PCF11: variants seen among roughly 807,000 people sequenced by gnomAD.
PCF11 encodes the protein pre-mRNA cleavage complex 2 protein Pcf11.
A neutral mutation model predicts 166.1 loss-of-function variants in PCF11; 19 were observed. That is an observed-to-expected ratio of 0.11 (90% CI 0.08 to 0.17). The LOEUF (loss-of-function observed/expected upper bound fraction) is 0.17, where lower values mean the gene tolerates loss of function less well. Ranked by LOEUF, PCF11 falls within the 10% of genes least tolerant of loss-of-function variation. The pLI is 1.00. For synonymous variants in PCF11, 663 were observed against 644.1 expected, an observed-to-expected ratio of 1.03 and a Z score of -0.44; for missense variants, 1,565 against 1,855.5, an observed-to-expected ratio of 0.84 and a Z score of 2.88.
chr11:83,179,161 C>T (rs758323428), intron 11 of PCF11, among the ~76,000 whole-genome samples: 2 of 151,518 alleles, frequency 1.3e-5, no homozygotes, highest in Non-Finnish European at 2.9e-5. Flanking sequence ...TAAAAGATGG[C>T]ATCCCTTTCT....
intron 10 of PCF11, 90 bp downstream of exon 10, chr11:83,177,294 G>T: frequency 4.1e-6 from 4 of 985,620 alleles, no homozygotes; most frequent in South Asian, 5.3e-5. Flanking sequence ...TTATGATAAA[G>T]GTCCTTACAA....
exon 12 of PCF11, chr11:83,181,024 A>G (rs1308868997): frequency 1.3e-6 from 2 of 1,562,290 alleles, no homozygotes; most frequent in Non-Finnish European, 1.7e-6. Context: ...TGACAGTGTT[A>G]TAAATCGACT....
At chr11:83,159,069 A>G (rs1441807173) in intron 1 of PCF11, among the ~76,000 whole-genome samples, 1 of 152,206 alleles carries the variant, frequency 6.6e-6, no homozygotes, top group East Asian at 1.9e-4. Context: ...TTCATAATTT[A>G]AAGAGGACGA....
At chr11:83,160,932 C>T (rs192425181) in intron 1 of PCF11, among the ~76,000 whole-genome samples, 1 of 152,298 alleles carries the variant, frequency 6.6e-6, no homozygotes, top group Non-Finnish European at 1.5e-5. Context: ...GGTCTAAAAA[C>T]TGCTTTGAGT....
intron 1 of PCF11, 78 bp from the exon 2 acceptor site, chr11:83,161,249 T>C (rs1860241611): frequency 3.4e-6 from 4 of 1,163,996 alleles, no homozygotes; most frequent in Admixed American, 5.1e-5. Context: ...GTCTGTATTG[T>C]AGGTTTAAAA....
intron 12 of PCF11, 33 bp downstream of exon 12, chr11:83,181,224 T>C (rs1861072864): frequency 2.8e-6 from 3 of 1,073,004 alleles, no homozygotes; most frequent in Non-Finnish European, 4.0e-6. Flanking sequence ...TAGTATCTTT[T>C]AGGCTTAAAT....
chr11:83,170,501 C>CT (rs1174144958), intron 8 of PCF11, among the ~76,000 whole-genome samples: 1 of 151,890 alleles, frequency 6.6e-6, no homozygotes, highest in Non-Finnish European at 1.5e-5. Context: ...TTTCCAGTCA[C>CT]TTCAGTTAAA....
At chr11:83,161,101 G>A (rs1374553806) in intron 1 of PCF11, among the ~76,000 whole-genome samples, 1 of 152,060 alleles carries the variant, frequency 6.6e-6, no homozygotes, top group Non-Finnish European at 1.5e-5. Context: ...AGTATATTAG[G>A]GATTACAGCT....
chr11:83,178,521 C>T (rs962476302), intron 11 of PCF11, among the ~76,000 whole-genome samples: 2 of 151,846 alleles, frequency 1.3e-5, no homozygotes, highest in East Asian at 1.9e-4. Flanking sequence ...ATCGGCTGGG[C>T]GCGGTGGCTC....
chr11:83,170,829 G>C (rs899276780), intron 8 of PCF11, among the ~76,000 whole-genome samples: 15 of 152,140 alleles, frequency 9.9e-5, no homozygotes, highest in African/African-American at 3.4e-4. Context: ...AAATAAGAAA[G>C]ATTTTAAAAG....
chr11:83,165,951 A>G, exon 5 of PCF11: 1 of 1,607,674 alleles, frequency 6.2e-7, no homozygotes, highest in Non-Finnish European at 8.5e-7. Flanking sequence ...AGGTGAAAAA[A>G]TAACCAAGAA....
exon 16 of PCF11, chr11:83,184,723 T>G: frequency 1.9e-6 from 3 of 1,612,156 alleles, no homozygotes; most frequent in Non-Finnish European, 2.5e-6. Context: ...AGACACCAGT[T>G]GAAAACCCCT....
intron 2 of PCF11, 69 bp downstream of exon 2, chr11:83,161,521 C>A: frequency 8.1e-7 from 1 of 1,238,112 alleles, no homozygotes; most frequent in Non-Finnish European, 1.1e-6. Flanking sequence ...TAAATATTTG[C>A]TTTGTGTTGG....
chr11:83,166,434 A>G lies in PCF11; in HGVS notation c.1537A>G (p.Thr513Ala), dbSNP rs753388547. 7 of 1,613,886 alleles carry G rather than the reference A, an allele frequency of 4.3e-6. No homozygotes were observed. In the African/African-American group the frequency reaches 6.7e-5, roughly 15 times the overall value. The change falls in exon 5 of 16, where the codon ACA becomes GCA. Residue 513 changes from threonine (T) to alanine (A), a missense_variant. Physicochemically the swap from Thr to Ala is moderately conservative, Grantham distance 58 (BLOSUM62 0). This residue lies in a region of PCF11 where 468 missense variants were observed against 483.4 expected (regional missense o/e 0.97). Transcript: ENST00000298281. Reference sequence around the variant, plus strand: ...ACGAAGGCAAAGAAGTATGTCTCCAACATCGACACCTAAAGCTGGAAAGAT... The same window carrying G: ...ACGAAGGCAAAGAAGTATGTCTCCAGCATCGACACCTAAAGCTGGAAAGAT...
intron 11 of PCF11, among the ~76,000 whole-genome samples, 190 bp downstream of exon 11, chr11:83,178,009 A>G (rs1229642132): frequency 1.3e-5 from 2 of 151,310 alleles, no homozygotes; most frequent in South Asian, 4.2e-4. Context: ...CTATTTTTAA[A>G]TCGTCTTTTA....
chr11:83,166,920 G>A (rs192225552), intron 5 of PCF11, among the ~76,000 whole-genome samples: 9 of 152,170 alleles, frequency 5.9e-5, no homozygotes, highest in Non-Finnish European at 1.3e-4. Context: ...ATCTACCTAA[G>A]GCTGCAGTCC....
chr11:83,185,637 A>T (rs1366734050), exon 16 of PCF11: 1 of 152,588 alleles, frequency 6.6e-6, no homozygotes, highest in Non-Finnish European at 1.5e-5. Flanking sequence ...TTGTCAAATG[A>T]TTTAATGCAG....
In PCF11 at chr11:83,168,415, T is replaced by A. The variant is rs1860549771; in HGVS notation, c.2093-13T>A. ...ATAACTTTAGTGAAAATAATTTTTT[T>A]CCTTTTTAAAAGGTGTGCGAGAAGA... On this transcript the variant is annotated splice_polypyrimidine_tract_variant and intron_variant, in intron 7 of 15. Transcript: ENST00000298281. 1 of 1,553,572 alleles carries A rather than the reference T, an allele frequency of 6.4e-7. No individual in the cohort carries two copies. Among genetic ancestry groups the A allele is most frequent in the Non-Finnish European group, 8.7e-7 (1 of 1,153,416 alleles).
In PCF11 at chr11:83,163,880, A is replaced by G; in HGVS notation, c.507+13A>G. 3 of 1,214,508 alleles carry G rather than the reference A, an allele frequency of 2.5e-6. No individual in the cohort carries two copies. The highest frequency in any genetic ancestry group is 2.3e-6 in the Non-Finnish European group (2 of 871,068). The allele number at this position is 1,214,508 out of a possible 1,614,324, so 75.2% of individuals were successfully genotyped here. On this transcript the variant is annotated intron_variant, in intron 3 of 15. Transcript: ENST00000298281. ...TTTAAATAAATCGGTAAGTTTTAAT[A>G]TGAATAGTAAGTAACATACTTTTAA...
Sources: gnomAD v4.1 joint callset for allele counts (sites outside exome capture counted in the v4.1 genomes callset) on GRCh38, gnomAD v4.1.1 for gene constraint, gnomAD v4.1.1 regional missense constraint, MANE v1.5 for transcripts, NCBI Gene and HGNC (gene_info 2026-07-23, HGNC 2026-07-21) for gene names.